The following TNS3 variants were observed in gnomAD, a reference collection of about 807,000 sequenced individuals.
The protein encoded by TNS3 is tensin-3.
TNS3 carries 45 observed loss-of-function variants against 140.9 expected under a neutral mutation model. The ratio of observed to expected loss-of-function variants is 0.32; its 90% CI spans 0.25 to 0.41. The LOEUF (loss-of-function observed/expected upper bound fraction) is 0.41, where lower values mean the gene tolerates loss of function less well. TNS3 is among the 10% of genes least tolerant of loss of function. TNS3 has a pLI of 1.00. For synonymous variants in TNS3, 815 were observed against 788.4 expected (o/e 1.03, Z -0.56); for missense variants, 1,716 against 1,906.7 (o/e 0.90, Z 1.86).
intron 23 of TNS3, among the ~76,000 whole-genome samples, chr7:47,298,499 T>A (rs1786185449): frequency 1.3e-5 from 2 of 152,196 alleles, no homozygotes; most frequent in African/African-American, 4.8e-5. Flanking sequence ...CTAGACTACA[T>A]CTCAGAATTT....
chr7:47,406,522 G>A (rs1179280412), intron 13 of TNS3, among the ~76,000 whole-genome samples: 5 of 152,178 alleles, frequency 3.3e-5, no homozygotes, highest in Non-Finnish European at 5.9e-5. Context: ...CCAGAACCAC[G>A]GAGGGGAAAA....
At chr7:47,514,204 G>A (rs551275353) in intron 2 of TNS3, among the ~76,000 whole-genome samples, 75 of 152,340 alleles carry the variant, frequency 4.9e-4, no homozygotes, top group African/African-American at 1.4e-3. Flanking sequence ...CCCACAGCGG[G>A]GGACCGCCAG....
At chr7:47,503,496 A>G (rs1032430090) in intron 3 of TNS3, among the ~76,000 whole-genome samples, 5 of 152,120 alleles carry the variant, frequency 3.3e-5, no homozygotes, top group African/African-American at 1.2e-4. Flanking sequence ...CACACAGCTC[A>G]TGTGGCTCAC....
chr7:47,521,080 G>A (rs1584805686), intron 2 of TNS3, among the ~76,000 whole-genome samples: 1 of 152,270 alleles, frequency 6.6e-6, no homozygotes, highest in Admixed American at 6.5e-5. Context: ...CCAAGAAACA[G>A]CAGTGCATCG....
rs781018691 is a variant in TNS3 at position 47,344,759 on chromosome 7, T to C, written c.2646A>G (p.Gly882=). 1 of 1,611,334 alleles carries C rather than the reference T, an allele frequency of 6.2e-7. No individual in the cohort carries two copies. Among genetic ancestry groups the C allele is most frequent in the Non-Finnish European group, 8.5e-7 (1 of 1,179,064 alleles). ...ACCCGCGGGTAGATTTCTTACCACG[T>C]CCTCCTTTGTGCTGACTGGCTGGGC... ...LSSPASQHKG[G]REPRSCPETL... is the part of the protein sequence containing the mutation. The change falls in exon 20 of 31, where the codon GGA becomes GGG. Residue 882 remains glycine, a synonymous_variant. Coordinates refer to ENST00000311160, the MANE Select transcript of TNS3 (RefSeq NM_022748.12).
chr7:47,424,032 C>T (rs1794516559), intron 10 of TNS3, 69 bp downstream of exon 10: 3 of 1,500,802 alleles, frequency 2.0e-6, no homozygotes, highest in Non-Finnish European at 2.8e-6. Context: ...GATGCCTCTT[C>T]TGTTTTCACA....
At chr7:47,540,972 T>C (rs1322682012) in intron 1 of TNS3, among the ~76,000 whole-genome samples, 3 of 152,174 alleles carry the variant, frequency 2.0e-5, no homozygotes, top group African/African-American at 4.8e-5. Flanking sequence ...CACAGGTGTA[T>C]GTTCATCCTG....
intron 4 of TNS3, among the ~76,000 whole-genome samples, chr7:47,465,920 G>A (rs1366915407): frequency 4.3e-5 from 6 of 140,798 alleles, no homozygotes; most frequent in Admixed American, 6.8e-5. Context: ...GCGAAACTCC[G>A]TCTAAAAATA....
At chr7:47,525,989 C>G (rs1422300067) in intron 2 of TNS3, among the ~76,000 whole-genome samples, 1 of 152,202 alleles carries the variant, frequency 6.6e-6, no homozygotes, top group African/African-American at 2.4e-5. Flanking sequence ...AGTCCCAACC[C>G]AGGGAAGGCA....
chr7:47,392,639 G>T (rs1196558524), intron 16 of TNS3, among the ~76,000 whole-genome samples: 1 of 152,208 alleles, frequency 6.6e-6, no homozygotes, highest in East Asian at 1.9e-4. Flanking sequence ...AATGCGGCTG[G>T]GACTCAGCCT....
chr7:47,536,423 T>C (rs183579919), intron 1 of TNS3, among the ~76,000 whole-genome samples: 43 of 152,092 alleles, frequency 2.8e-4, no homozygotes, highest in Middle Eastern at 3.4e-3. Context: ...GGCCGTCCTG[T>C]GGACCACAGA....
At chr7:47,386,798 C>G (rs1274512904) in intron 16 of TNS3, among the ~76,000 whole-genome samples, 1 of 152,238 alleles carries the variant, frequency 6.6e-6, no homozygotes, top group South Asian at 2.1e-4. Context: ...TCCATTAAAG[C>G]TCGCTTTTCT....
intron 4 of TNS3, among the ~76,000 whole-genome samples, chr7:47,446,536 G>T (rs1335420575): frequency 6.6e-6 from 1 of 152,010 alleles, no homozygotes; most frequent in Non-Finnish European, 1.5e-5. Context: ...CCCAGCCCAT[G>T]CCTCCCTCAC....
chr7:47,578,270 ACTGGACTCCAGC>A (rs1562866577), intron 1 of TNS3, among the ~76,000 whole-genome samples: 1 of 152,126 alleles, frequency 6.6e-6, no homozygotes, highest in Admixed American at 6.6e-5. Context: ...AGATGGCCCG[ACTGGACTCCAGC>A]CTGGACTCCA....
intron 3 of TNS3, among the ~76,000 whole-genome samples, chr7:47,499,058 T>C (rs905472836): frequency 9.9e-5 from 15 of 152,234 alleles, no homozygotes; most frequent in African/African-American, 3.6e-4. Context: ...CTCAGATTAC[T>C]AGGGATTTAG....
intron 17 of TNS3, among the ~76,000 whole-genome samples, chr7:47,356,580 G>A (rs889038360): frequency 1.3e-5 from 2 of 152,130 alleles, no homozygotes; most frequent in Admixed American, 6.6e-5. Flanking sequence ...GACGGAATCC[G>A]CTCCCTGAGC....
rs182583177 is a variant in TNS3 at position 47,420,647 on chromosome 7, G to C, written c.473+3454C>G. On this transcript the variant is annotated intron_variant, in intron 10 of 30. Transcript: ENST00000311160. ...GAAGTGGGCCAGCCTATAAAGTCTA[G>C]GACCAAGGTTAAACACCACACTTGA... 2.1e-3 allele frequency among the ~76,000 whole-genome samples: 327 copies of C among 152,298 alleles called. 1 individual carries two copies. Among genetic ancestry groups the C allele is most frequent in the Non-Finnish European group, 1.0e-3 (71 of 68,020 alleles).
At chr7:47,367,828 G>C (rs1030062017) in intron 17 of TNS3, among the ~76,000 whole-genome samples, 3 of 152,190 alleles carry the variant, frequency 2.0e-5, no homozygotes, top group Non-Finnish European at 4.4e-5. Flanking sequence ...GGCCAACTCT[G>C]ACAGGTGTAT....
intron 1 of TNS3, among the ~76,000 whole-genome samples, chr7:47,577,706 C>G (rs1279855856): frequency 6.6e-6 from 1 of 152,194 alleles, no homozygotes; most frequent in Admixed American, 6.5e-5. Context: ...AGACTAGGGA[C>G]AGAAAGTGCC....
Sources: gnomAD v4.1 joint callset for allele counts (sites outside exome capture counted in the v4.1 genomes callset) on GRCh38, gnomAD v4.1.1 for gene constraint, MANE v1.5 for transcripts, NCBI Gene and HGNC (gene_info 2026-07-23, HGNC 2026-07-21) for gene names.